Variants in SLC16A14 observed in about 807,000 individuals in gnomAD.
SLC16A14 encodes monocarboxylate transporter 14.
In SLC16A14, 14 loss-of-function variants were observed where a neutral mutation model predicts 35.8. The observed-to-expected ratio is 0.39, with a 90% CI of 0.26 to 0.61. The LOEUF is 0.61. SLC16A14 is among the 20% of genes least tolerant of loss of function. SLC16A14 has a pLI of 0.51. For missense variants in SLC16A14, 533 were observed against 655.0 expected (o/e 0.81, Z 2.03); for synonymous variants, 248 against 258.9 (o/e 0.96, Z 0.40).
Position 230,036,544 on chromosome 2 carries a change from G to GA in SLC16A14, c.*835dup, listed in dbSNP as rs942694264. On this transcript the variant is annotated 3_prime_UTR_variant, in exon 5 of 5. Transcript: ENST00000295190. ...TATATTTTTGGGCAGAAGAAACTCA[G>GA]AAAAAAATATTACAGGCCCCACCTC... The GA allele has an allele frequency of 1.3e-5, 2 of 152,096 alleles. No homozygotes were observed. Among genetic ancestry groups the GA allele is most frequent in the Non-Finnish European group, 1.5e-5 (1 of 68,006 alleles). The allele number at this position is 152,096 out of a possible 1,614,324, so 9.4% of individuals were successfully genotyped here.
intron 2 of SLC16A14, among the ~76,000 whole-genome samples, chr2:230,057,559 AG>A (rs1421997276): frequency 6.6e-6 from 1 of 152,166 alleles, no homozygotes; most frequent in African/African-American, 2.4e-5. Context: ...TCTTGAGGCC[AG>A]GAGTTCGAGA....
At position 230,059,269 on chromosome 2, in the gene SLC16A14, A is replaced by T; in HGVS notation, c.84T>A (p.Ile28=). Reference sequence around the variant, plus strand: ...CCATCATCCAAGCCCATCCGCCATCAATGTTTGGGTGGGGCTTCAGTGTCT... The same window carrying T: ...CCATCATCCAAGCCCATCCGCCATCTATGTTTGGGTGGGGCTTCAGTGTCT... The part of the protein sequence containing the change: ...DKKTLKPHPN[I]DGGWAWMMVL... The change falls in exon 2 of 5, where the codon ATT becomes ATA. Residue 28 remains isoleucine, a synonymous_variant. Transcript: ENST00000295190. 6.2e-7 allele frequency: 1 copy of T among 1,614,076 alleles called. No homozygotes were observed. The highest frequency in any genetic ancestry group is 2.2e-5 in the East Asian group (1 of 44,876).
Position 230,046,260 on chromosome 2 carries a change from A to G in SLC16A14, c.866T>C (p.Leu289Pro). ...GAAGCCCTTCCTGACTCTCATGGTG[A>G]GCCAGCTGACAGTCTTCAGAATCCG... ...ALRILKTVSW[L>P]TMRVRKGFED... Residue 289 changes from leucine (L) to proline (P), a missense_variant, in exon 4 of 5, where the codon CTC (leucine) becomes CCC (proline). Transcript: ENST00000295190. The surrounding 1 kb of genome is among the most constrained non-coding windows in gnomAD (Gnocchi z 5.0). The G allele has an allele frequency of 6.2e-7, 1 of 1,614,206 alleles. No homozygotes were observed.
chr2:230,056,209 C>T (rs1191965240), intron 2 of SLC16A14, among the ~76,000 whole-genome samples: 6 of 151,434 alleles, frequency 4.0e-5, no homozygotes, highest in Admixed American at 3.3e-4. Context: ...ACACTTTGTC[C>T]TTGTTGTCTA....
chr2:230,042,284 A>G (rs1346067315), intron 4 of SLC16A14, among the ~76,000 whole-genome samples: 2 of 152,224 alleles, frequency 1.3e-5, no homozygotes, highest in African/African-American at 2.4e-5. Context: ...AGGGTTGAGT[A>G]TAACTCCCTG....
At chr2:230,067,571 T>TCACACACA (rs1553822791) in intron 1 of SLC16A14, among the ~76,000 whole-genome samples, 45 of 143,828 alleles carry the variant, frequency 3.1e-4, no homozygotes, top group African/African-American at 1.2e-3. Flanking sequence ...TCTCTCTCTC[T>TCACACACA]CACACACACA....
chr2:230,056,668 G>C (rs2077707617), intron 2 of SLC16A14, among the ~76,000 whole-genome samples: 1 of 152,034 alleles, frequency 6.6e-6, no homozygotes. Flanking sequence ...AGGAGTTTGA[G>C]ATCAACCTGG....
Position 230,068,437 on chromosome 2 carries a change from G to C in SLC16A14, c.-15+118C>G, listed in dbSNP as rs2077821811. On this transcript the variant is annotated intron_variant, in intron 1 of 4. Coordinates refer to ENST00000295190, the MANE Select transcript of SLC16A14 (RefSeq NM_152527.5). This position sits in a 1 kb window ranked among gnomAD's most constrained non-coding sequence, Gnocchi z 5.1. ...CCTTTCCCGAGCCTGCCTTGGGCTG[G>C]GGCTGCCCCTTCCCGGGGGTCCCTG... 1 of 152,612 alleles carries C rather than the reference G, an allele frequency of 6.6e-6. No homozygotes were observed. Among genetic ancestry groups the C allele is most frequent in the Non-Finnish European group, 1.5e-5 (1 of 68,184 alleles). 9.5% of individuals were successfully genotyped at this position (152,612 alleles called of 1,614,324 possible).
In SLC16A14 at chr2:230,046,132, T is replaced by C; in HGVS notation, c.994A>G (p.Ile332Val). 6.2e-7 allele frequency: 1 copy of C among 1,613,990 alleles called. No individual in the cohort carries two copies. Among genetic ancestry groups the C allele is most frequent in the Non-Finnish European group, 8.5e-7 (1 of 1,179,812 alleles). Residue 332 changes from isoleucine to valine, a missense_variant, in exon 4 of 5, where the codon ATC (isoleucine) becomes GTC (valine). By Grantham distance (29) the Ile-to-Val change is conservative (BLOSUM62 3). Coordinates refer to ENST00000295190, the MANE Select transcript of SLC16A14 (RefSeq NM_152527.5). This position sits in a 1 kb window ranked among gnomAD's most constrained non-coding sequence, Gnocchi z 5.0. ...ATTTCTGGGAGGTGAATGAAGGGGA[T>C]GACAAAGCTGCTGTATGCAAACAAA... ...WALFAYSSFV[I>V]PFIHLPEIVN...
chr2:230,037,332 G>A lies in SLC16A14; in HGVS notation c.*48C>T. The stretch of plus-strand genomic sequence containing the variant: ...TAGGTGCCTCACAGCAACCATGCGA[G>A]GTAGGCATGAGTATTACAATGAAAC... On this transcript the variant is annotated 3_prime_UTR_variant, in exon 5 of 5. Coordinates refer to ENST00000295190, the MANE Select transcript of SLC16A14 (RefSeq NM_152527.5). 6.7e-7 allele frequency: 1 copy of A among 1,500,032 alleles called. No homozygotes were observed. Among genetic ancestry groups the A allele is most frequent in the East Asian group, 2.4e-5 (1 of 41,372 alleles). The allele number at this position is 1,500,032 out of a possible 1,614,324, so 92.9% of individuals were successfully genotyped here.
At chr2:230,063,574 T>A (rs1332267634) in intron 1 of SLC16A14, among the ~76,000 whole-genome samples, 1 of 152,132 alleles carries the variant, frequency 6.6e-6, no homozygotes, top group Non-Finnish European at 1.5e-5. Context: ...ACAATGTAGG[T>A]CTCTCATCAA....
Position 230,037,205 on chromosome 2 carries a change from C to A in SLC16A14, c.*175G>T. ...TTAAGATCTTCCAGCATTACATCTCCCCAAACAGAGAGGCAGTGCTGCTTA... is the reference window on the plus strand; with the variant it reads ...TTAAGATCTTCCAGCATTACATCTCACCAAACAGAGAGGCAGTGCTGCTTA... On this transcript the variant is annotated 3_prime_UTR_variant, in exon 5 of 5. Coordinates refer to ENST00000295190, the MANE Select transcript of SLC16A14 (RefSeq NM_152527.5). 2.0e-6 allele frequency: 1 copy of A among 498,918 alleles called. No individual in the cohort carries two copies. Among genetic ancestry groups the A allele is most frequent in the Non-Finnish European group, 3.5e-6 (1 of 285,712 alleles). 30.9% of individuals were successfully genotyped at this position (498,918 alleles called of 1,614,324 possible). A position where few individuals can be genotyped will look rare whatever the true frequency, so the allele number is the denominator to read the frequency against.
intron 2 of SLC16A14, among the ~76,000 whole-genome samples, chr2:230,054,348 C>T (rs150766336): frequency 1.3e-5 from 2 of 152,254 alleles, no homozygotes; most frequent in Non-Finnish European, 2.9e-5. Context: ...CAAGCAACTG[C>T]CTTTCCTTTT....
At chr2:230,056,546 G>A (rs1222656762) in intron 2 of SLC16A14, among the ~76,000 whole-genome samples, 3 of 151,990 alleles carry the variant, frequency 2.0e-5, no homozygotes. Flanking sequence ...GTGAACCACC[G>A]TGCCTGGCTT....
Position 230,045,889 on chromosome 2 carries a change from C to A in SLC16A14, c.1237G>T (p.Ala413Ser). Residue 413 changes from alanine to serine, a missense_variant, in exon 4 of 5, where the codon GCG (alanine) becomes TCG (serine). Physicochemically the swap from Ala to Ser is moderately conservative, Grantham distance 99. Coordinates refer to ENST00000295190, the MANE Select transcript of SLC16A14 (RefSeq NM_152527.5). Reference sequence around the variant, plus strand: ...TAACCACTGGAAAACCCTATCAGCGCACAGATGACCGCCAGGCCAGCGTAC... The same window carrying A: ...TAACCACTGGAAAACCCTATCAGCGAACAGATGACCGCCAGGCCAGCGTAC... ...HTYAGLAVIC[A>S]LIGFSSGYFS... 1 of 1,612,890 alleles carries A rather than the reference C, an allele frequency of 6.2e-7. No individual in the cohort carries two copies.
intron 1 of SLC16A14, among the ~76,000 whole-genome samples, chr2:230,062,505 C>A (rs780142625): frequency 6.6e-6 from 1 of 152,034 alleles, no homozygotes; most frequent in Non-Finnish European, 1.5e-5. Context: ...TGTGCCACCA[C>A]AACTGGCTAA....
chr2:230,037,364 G>C lies in SLC16A14; in HGVS notation c.*16C>G, dbSNP rs772544973. 7.0e-6 allele frequency: 11 copies of C among 1,578,678 alleles called. 1 individual carries two copies. In the East Asian group the frequency reaches 2.1e-4, roughly 30 times the overall value. On this transcript the variant is annotated 3_prime_UTR_variant, in exon 5 of 5. Transcript: ENST00000295190. ...ATGAGTATTACAATGAAACCTACAC[G>C]GAACATTACATGATACTAAACATGT...
Position 230,059,308 on chromosome 2 carries a change from G to T in SLC16A14, c.45C>A (p.Gly15=), listed in dbSNP as rs774965050. ...HEDIGYDFED[G]PKDKKTLKPH... ...GCTTCAGTGTCTTTTTGTCTTTGGGGCCATCTTCAAAATCATACCCAATAT... is the reference window on the plus strand; with the variant it reads ...GCTTCAGTGTCTTTTTGTCTTTGGGTCCATCTTCAAAATCATACCCAATAT... Residue 15 remains glycine, a synonymous_variant, in exon 2 of 5, where the codon GGC becomes GGA. Transcript: ENST00000295190. 1.4e-5 allele frequency: 22 copies of T among 1,610,702 alleles called. No homozygotes were observed. In the South Asian group the frequency reaches 2.2e-4, roughly 16 times the overall value.
intron 3 of SLC16A14, among the ~76,000 whole-genome samples, chr2:230,049,017 TTA>T (rs2106258390): frequency 6.7e-6 from 1 of 149,238 alleles, no homozygotes; most frequent in African/African-American, 2.4e-5. Flanking sequence ...ACTTATGTAT[TTA>T]TGTTTTTTCT....
Sources: gnomAD v4.1 joint callset for allele counts (sites outside exome capture counted in the v4.1 genomes callset) on GRCh38, gnomAD v4.1.1 for gene constraint, Gnocchi (gnomAD v3.1) non-coding constraint, MANE v1.5 for transcripts, NCBI Gene and HGNC (gene_info 2026-07-23, HGNC 2026-07-21) for gene names.